ESR1: variants seen among roughly 807,000 people sequenced by gnomAD.
ESR1 encodes the protein estrogen receptor 1, also known as estrogen receptor.
ESR1 carries 12 observed loss-of-function variants against 52.7 expected under a neutral mutation model. The observed-to-expected ratio is 0.23, with a 90% CI of 0.15 to 0.37. The LOEUF is 0.37. Ranked by LOEUF, ESR1 falls within the 10% of genes least tolerant of loss-of-function variation. ESR1 has a pLI of 1.00. For missense variants in ESR1, 584 were observed against 779.7 expected (o/e 0.75, Z 2.99); for synonymous variants, 305 against 316.8 (o/e 0.96, Z 0.39).
chr6:151,740,277 C>G (rs1423870158), intron 2 of ESR1, among the ~76,000 whole-genome samples: 1 of 142,318 alleles, frequency 7.0e-6, no homozygotes, highest in Non-Finnish European at 1.5e-5. Context: ...CACCACCATG[C>G]CTGGCTAATT....
At chr6:151,707,413 A>T (rs1201288135) in intron 2 of ESR1, among the ~76,000 whole-genome samples, 1 of 152,034 alleles carries the variant, frequency 6.6e-6, no homozygotes, top group Admixed American at 6.6e-5. Flanking sequence ...CAATATAATT[A>T]ATAAAAATCT....
chr6:151,663,137 G>T (rs2115208357), intron 1 of ESR1, among the ~76,000 whole-genome samples: 1 of 152,312 alleles, frequency 6.6e-6, no homozygotes, highest in Admixed American at 6.5e-5. Flanking sequence ...TCTTTTTGGT[G>T]ATTATTTAAT....
intron 4 of ESR1, among the ~76,000 whole-genome samples, chr6:151,993,317 C>T (rs1277753017): frequency 6.6e-6 from 1 of 152,158 alleles, no homozygotes; most frequent in Non-Finnish European, 1.5e-5. Context: ...ATGAGACACC[C>T]AACGCCTTTG....
chr6:151,870,390 A>G (rs1790732434), intron 2 of ESR1, among the ~76,000 whole-genome samples: 1 of 152,196 alleles, frequency 6.6e-6, no homozygotes, highest in Admixed American at 6.5e-5. Flanking sequence ...CAATGATACC[A>G]TATAGTAATT....
chr6:151,955,881 C>G (rs1210730633), intron 4 of ESR1, among the ~76,000 whole-genome samples: 1 of 152,042 alleles, frequency 6.6e-6, no homozygotes, highest in Non-Finnish European at 1.5e-5. Context: ...TCCTCTCACC[C>G]TCCCTCACGT....
chr6:152,002,821 T>G (rs2042058994), intron 4 of ESR1, among the ~76,000 whole-genome samples: 1 of 152,056 alleles, frequency 6.6e-6, no homozygotes, highest in African/African-American at 2.4e-5. Context: ...AAAAGACTAG[T>G]TTACCTTCAA....
Position 151,742,860 on chromosome 6 carries a change from T to C in ESR1, c.-71+40855T>C, listed in dbSNP as rs550595262. On this transcript the variant is annotated intron_variant, in intron 2 of 2. Coordinates refer to the ESR1 transcript ENST00000404742. ...GAATTAATGAATGGGCTAGATGTTATATATACAAAGAAATATGTCTAATTT... is the reference window on the plus strand; with the variant it reads ...GAATTAATGAATGGGCTAGATGTTACATATACAAAGAAATATGTCTAATTT... Among the ~76,000 whole-genome samples the C allele has an allele frequency of 4.1e-4, 63 of 152,302 alleles. No homozygotes were observed. In the Middle Eastern group the frequency reaches 0.017, roughly 41 times the overall value.
chr6:151,750,289 AG>A (rs1438908200), intron 2 of ESR1, among the ~76,000 whole-genome samples: 3 of 152,152 alleles, frequency 2.0e-5, no homozygotes, highest in Non-Finnish European at 4.4e-5. Flanking sequence ...AGAAAGCAAA[AG>A]TTATTTGTGT....
At chr6:151,729,327 T>G (rs971504235) in intron 2 of ESR1, among the ~76,000 whole-genome samples, 1 of 146,186 alleles carries the variant, frequency 6.8e-6, no homozygotes, top group Non-Finnish European at 1.6e-5. Flanking sequence ...TCCAGAACCA[T>G]GAGAAGTAAA....
At chr6:151,909,276 G>A (rs531966755) in intron 3 of ESR1, among the ~76,000 whole-genome samples, 36 of 152,304 alleles carry the variant, frequency 2.4e-4, no homozygotes, top group Non-Finnish European at 4.3e-4. Context: ...CGTTTACAGC[G>A]AGGCAAAAGA....
chr6:152,042,017 G>T (rs1271775221), intron 5 of ESR1, among the ~76,000 whole-genome samples: 2 of 152,224 alleles, frequency 1.3e-5, no homozygotes, highest in African/African-American at 4.8e-5. Context: ...CTTCTGCACA[G>T]GCCAAACAGG....
intron 2 of ESR1, among the ~76,000 whole-genome samples, chr6:151,749,029 A>G (rs1783696450): frequency 1.3e-5 from 2 of 152,164 alleles, no homozygotes. Context: ...TACAAGTAAT[A>G]TATAGTCTAA....
At chr6:151,986,463 C>A (rs372799770) in intron 4 of ESR1, among the ~76,000 whole-genome samples, 1 of 152,022 alleles carries the variant, frequency 6.6e-6, no homozygotes, top group South Asian at 2.1e-4. Flanking sequence ...GTGAGCATCC[C>A]CCAGGCCCCT....
chr6:151,726,234 A>G (rs992219131), intron 2 of ESR1, among the ~76,000 whole-genome samples: 1 of 151,930 alleles, frequency 6.6e-6, no homozygotes, highest in African/African-American at 2.4e-5. Context: ...ACTTTTCTTT[A>G]TTTTTTATAG....
chr6:152,081,894 G>A (rs1021470280), intron 6 of ESR1, among the ~76,000 whole-genome samples: 1 of 152,044 alleles, frequency 6.6e-6, no homozygotes, highest in African/African-American at 2.4e-5. Context: ...ATAAATTCCT[G>A]GACACATACA....
At position 152,102,884 on chromosome 6, in the gene ESR1, C is replaced by T. The variant is rs1266402394; in HGVS notation, c.*3918C>T. On this transcript the variant is annotated 3_prime_UTR_variant, in exon 8 of 8. Transcript: ENST00000206249. ...GTGCACCCTAGAAACAACATATTGT[C>T]CCATGAGCAGGTGCCTGAGACACAG... The T allele has an allele frequency of 8.8e-6, 2 of 226,342 alleles. No individual in the cohort carries two copies. Among genetic ancestry groups the T allele is most frequent in the African/African-American group, 4.5e-5 (2 of 44,904 alleles). The allele number at this position is 226,342 out of a possible 1,614,324, so 14.0% of individuals were successfully genotyped here.
chr6:151,688,415 A>G (rs537281575), upstream of ESR1, among the ~76,000 whole-genome samples: 4 of 152,276 alleles, frequency 2.6e-5, no homozygotes, highest in South Asian at 6.2e-4. Context: ...CGCAGCTGGT[A>G]TGGGTACTTA....
chr6:151,899,267 C>A (rs1796138309), intron 3 of ESR1, among the ~76,000 whole-genome samples: 1 of 138,428 alleles, frequency 7.2e-6, no homozygotes, highest in Admixed American at 6.9e-5. Flanking sequence ...ACCCCCACCT[C>A]CCTCCCGGAC....
At chr6:151,784,000 C>G (rs964610003) in intron 2 of ESR1, among the ~76,000 whole-genome samples, 1 of 152,300 alleles carries the variant, frequency 6.6e-6, no homozygotes, top group East Asian at 1.9e-4. Flanking sequence ...AAATGAAATG[C>G]CATTCTTATT....
Sources: gnomAD v4.1 joint callset for allele counts (sites outside exome capture counted in the v4.1 genomes callset) on GRCh38, gnomAD v4.1.1 for gene constraint, MANE v1.5 for transcripts, NCBI Gene and HGNC (gene_info 2026-07-23, HGNC 2026-07-21) for gene names.